Variants in EPB41L5 observed in about 807,000 individuals in gnomAD.
The protein encoded by EPB41L5 is band 4.1-like protein 5.
A neutral mutation model predicts 106.6 loss-of-function variants in EPB41L5; 55 were observed. The ratio of observed to expected loss-of-function variants is 0.52; its 90% CI spans 0.42 to 0.65. EPB41L5 has a LOEUF of 0.65. Ranked by LOEUF, EPB41L5 falls within the 30% of genes least tolerant of loss-of-function variation. EPB41L5 has a pLI of 0.00. For synonymous variants in EPB41L5, 297 were observed against 306.7 expected, an observed-to-expected ratio of 0.97 and a Z score of 0.33; for missense variants, 871 against 882.1, an observed-to-expected ratio of 0.99 and a Z score of 0.16.
intron 18 of EPB41L5, among the ~76,000 whole-genome samples, chr2:120,133,565 A>G (rs1267301423): frequency 6.6e-6 from 1 of 152,208 alleles, no homozygotes; most frequent in Non-Finnish European, 1.5e-5. Context: ...CATTTAGAAC[A>G]GCCCTAGCCA....
At chr2:120,156,242 C>T (rs935683473) in intron 20 of EPB41L5, among the ~76,000 whole-genome samples, 11 of 152,166 alleles carry the variant, frequency 7.2e-5, no homozygotes, top group Admixed American at 1.3e-4. Context: ...AGGACCCCAG[C>T]CTGGCCATAC....
At chr2:120,040,610 A>G (rs966604293) in intron 2 of EPB41L5, among the ~76,000 whole-genome samples, 3 of 152,350 alleles carry the variant, frequency 2.0e-5, no homozygotes, top group African/African-American at 7.2e-5. Context: ...ATGCTGCAGG[A>G]CATGTAATGT....
intron 16 of EPB41L5, among the ~76,000 whole-genome samples, chr2:120,111,412 G>A (rs972330207): frequency 3.3e-5 from 5 of 152,096 alleles, no homozygotes; most frequent in Admixed American, 6.5e-5. Flanking sequence ...CGTGTCTTGG[G>A]CTCTACTTTA....
chr2:120,159,804 A>C (rs1687066767), intron 20 of EPB41L5, among the ~76,000 whole-genome samples: 1 of 152,222 alleles, frequency 6.6e-6, no homozygotes, highest in African/African-American at 2.4e-5. Flanking sequence ...CAATGGAGAA[A>C]GGCTTCCCTA....
At chr2:120,142,130 A>C (rs1686201779) in intron 18 of EPB41L5, among the ~76,000 whole-genome samples, 1 of 149,294 alleles carries the variant, frequency 6.7e-6, no homozygotes, top group South Asian at 2.1e-4. Context: ...AAAAAAAAAA[A>C]AAAACAAGGT....
intron 3 of EPB41L5, among the ~76,000 whole-genome samples, chr2:120,068,355 G>A (rs149671443): frequency 7.2e-5 from 11 of 152,236 alleles, no homozygotes; most frequent in South Asian, 4.1e-4. Context: ...CTGGGTGGCC[G>A]TTTGGGCAGG....
chr2:120,071,963 A>T (rs903509451), intron 3 of EPB41L5, among the ~76,000 whole-genome samples: 2 of 152,218 alleles, frequency 1.3e-5, no homozygotes, highest in Non-Finnish European at 2.9e-5. Context: ...TCTGCACAGT[A>T]AAAGAAACTA....
At chr2:120,087,456 T>C (rs1395393737) in intron 11 of EPB41L5, among the ~76,000 whole-genome samples, 1 of 152,220 alleles carries the variant, frequency 6.6e-6, no homozygotes, top group Non-Finnish European at 1.5e-5. Flanking sequence ...AAGTGTCTTC[T>C]TGTTTCCTCA....
At chr2:120,073,369 C>A in intron 4 of EPB41L5, 149 bp downstream of exon 4, 1 of 693,844 alleles carries the variant, frequency 1.4e-6, no homozygotes, top group Non-Finnish European at 2.4e-6. Flanking sequence ...ATACACTGAG[C>A]TACTCCCCAA....
rs762709744 is a variant in EPB41L5, at chr2:120,174,834, C to G, written c.2136-7C>G. 1 of 1,614,070 alleles carries G rather than the reference C, an allele frequency of 6.2e-7. No homozygotes were observed. Among genetic ancestry groups the G allele is most frequent in the Non-Finnish European group, 8.5e-7 (1 of 1,179,946 alleles). On this transcript the variant is annotated splice_polypyrimidine_tract_variant and splice_region_variant and intron_variant, in intron 24 of 24. Transcript: ENST00000263713. Reference sequence around the variant, plus strand: ...TCCCTGAGTAACCCATTCTCTCTTCCTTTCAGCTCTGGTCCCATTTTGGCA... The same window carrying G: ...TCCCTGAGTAACCCATTCTCTCTTCGTTTCAGCTCTGGTCCCATTTTGGCA...
chr2:120,035,353 C>T (rs1293839944), intron 2 of EPB41L5, among the ~76,000 whole-genome samples: 2 of 152,208 alleles, frequency 1.3e-5, no homozygotes, highest in Non-Finnish European at 2.9e-5. Context: ...CCTGCCTTGG[C>T]TTCCCAAAGT....
At chr2:120,052,118 C>G (rs1680329514) in intron 3 of EPB41L5, among the ~76,000 whole-genome samples, 1 of 152,218 alleles carries the variant, frequency 6.6e-6, no homozygotes, top group Admixed American at 6.5e-5. Context: ...AGCCACTGCA[C>G]CTGGCCATGC....
chr2:120,158,945 A>G (rs986865425), intron 20 of EPB41L5, among the ~76,000 whole-genome samples: 3 of 152,166 alleles, frequency 2.0e-5, no homozygotes, highest in African/African-American at 7.2e-5. Flanking sequence ...TACACCAACA[A>G]TAGTCAAGCT....
intron 24 of EPB41L5, among the ~76,000 whole-genome samples, chr2:120,174,467 AG>A (rs1277436655): frequency 1.2e-5 from 1 of 86,366 alleles, no homozygotes; most frequent in Non-Finnish European, 3.1e-5. Context: ...CCCGTCTCAC[AG>A]AAAAAAAAAA....
At chr2:120,105,975 CT>C in intron 16 of EPB41L5, 1 of 985,344 alleles carries the variant, frequency 1.0e-6, no homozygotes, top group East Asian at 1.1e-4. Context: ...TAAGATTTGA[CT>C]TCACTCACTT....
At chr2:120,156,099 C>T (rs1558911106) in intron 20 of EPB41L5, among the ~76,000 whole-genome samples, 1 of 152,248 alleles carries the variant, frequency 6.6e-6, no homozygotes, top group East Asian at 1.9e-4. Context: ...GGACAGCCAT[C>T]CCCCTAGGGT....
rs536043162 is a variant in EPB41L5, at chr2:120,056,235, A to AT, written c.285+14137dup. The stretch of plus-strand genomic sequence containing the variant: ...TCTGTTTATATGGTATGTTATGTTG[A>AT]TTTTTTTTTTTTAATGTTGAACCAA... On this transcript the variant is annotated intron_variant, in intron 3 of 24. Transcript: ENST00000263713. 4.0e-3 allele frequency among the ~76,000 whole-genome samples: 554 copies of AT among 137,366 alleles called. 3 individuals carry two copies. Among genetic ancestry groups the AT allele is most frequent in the African/African-American group, 0.011 (418 of 37,074 alleles). 90.1% of individuals were successfully genotyped at this position (137,366 alleles called of 152,430 possible).
At chr2:120,116,874 C>CA (rs1427782918) in intron 16 of EPB41L5, among the ~76,000 whole-genome samples, 2 of 151,998 alleles carry the variant, frequency 1.3e-5, no homozygotes, top group East Asian at 3.9e-4. Context: ...GAATGAATGT[C>CA]AAAATACACT....
At chr2:120,020,990 T>C (rs1319321055) in intron 2 of EPB41L5, among the ~76,000 whole-genome samples, 1 of 152,212 alleles carries the variant, frequency 6.6e-6, no homozygotes, top group Non-Finnish European at 1.5e-5. Context: ...AGCTGGTCTC[T>C]CATGGGGACA....
Sources: gnomAD v4.1 joint callset for allele counts (sites outside exome capture counted in the v4.1 genomes callset) on GRCh38, gnomAD v4.1.1 for gene constraint, MANE v1.5 for transcripts, NCBI Gene and HGNC (gene_info 2026-07-23, HGNC 2026-07-21) for gene names.